Variants in ENAH observed in about 807,000 individuals in gnomAD.
ENAH encodes protein enabled homolog.
Under a neutral mutation model 78.7 loss-of-function variants are expected in ENAH, and 23 were observed. The ratio of observed to expected loss-of-function variants is 0.29; its 90% CI spans 0.21 to 0.41. ENAH has a LOEUF of 0.41. Among genes scored for constraint, ENAH ranks in the 10% least tolerant of loss-of-function variants. The pLI, the probability that ENAH is intolerant of heterozygous loss-of-function variation, is 1.00. For synonymous variants in ENAH, 226 were observed against 241.0 expected (o/e 0.94, Z 0.58); for missense variants, 544 against 691.0 (o/e 0.79, Z 2.39).
intron 3 of ENAH, among the ~76,000 whole-genome samples, chr1:225,552,514 T>C (rs17502068): frequency 0.045 from 6,789 of 152,280 alleles, 235 homozygotes; most frequent in South Asian, 0.11. Context: ...AGAAATAGTA[T>C]TTAACTACAG....
At chr1:225,536,679 C>T (rs926997093) in intron 3 of ENAH, among the ~76,000 whole-genome samples, 4 of 151,956 alleles carry the variant, frequency 2.6e-5, no homozygotes, top group African/African-American at 9.7e-5. Context: ...AATTAAATAA[C>T]ACACATCTAA....
intron 1 of ENAH, among the ~76,000 whole-genome samples, chr1:225,570,035 A>C (rs1024690626): frequency 2.0e-5 from 3 of 151,848 alleles, no homozygotes; most frequent in Non-Finnish European, 1.5e-5. Context: ...GGGAAACCCT[A>C]TCTCTACTAA....
At chr1:225,652,611 G>C in intron 1 of ENAH, 75 bp downstream of exon 1, 1 of 1,234,432 alleles carries the variant, frequency 8.1e-7, no homozygotes, top group Non-Finnish European at 1.0e-6. Flanking sequence ...AGGGAAGGCG[G>C]GGTCCGAGGA....
intron 10 of ENAH, chr1:225,508,572 AATTAATTCTTGGGCCTTAGCCGATT>A (rs2096352321): frequency 6.6e-6 from 1 of 152,280 alleles, no homozygotes; most frequent in Non-Finnish European, 1.5e-5. Flanking sequence ...ATTCTTAAAC[AATTAATTCTTGGGCCTTAGCCGATT>A]ATTCCAGTTA....
rs144689002 is a variant in ENAH, at chr1:225,639,932, C to T, written c.5+12754G>A. Among the ~76,000 whole-genome samples the T allele has an allele frequency of 2.0e-3, 299 of 152,248 alleles. 1 individual carries two copies. Among genetic ancestry groups the T allele is most frequent in the Admixed American group, 5.6e-3 (86 of 15,280 alleles). On this transcript the variant is annotated intron_variant, in intron 1 of 13. Transcript: ENST00000366843. ...TGGAGTCTACCTTACCTCTGGACCT[C>T]TAATTATATGGGATAAATTTTCTCA...
intron 6 of ENAH, among the ~76,000 whole-genome samples, chr1:225,515,924 G>T (rs564187794): frequency 6.6e-6 from 1 of 152,148 alleles, no homozygotes; most frequent in Non-Finnish European, 1.5e-5. Flanking sequence ...CAAACTGAAC[G>T]TCTTAGAATT....
At chr1:225,527,179 C>T (rs2096511850) in intron 4 of ENAH, among the ~76,000 whole-genome samples, 1 of 152,156 alleles carries the variant, frequency 6.6e-6, no homozygotes, top group African/African-American at 2.4e-5. Context: ...ATAATGCAAA[C>T]TGATAATGTT....
chr1:225,583,050 A>T (rs1216648238), intron 1 of ENAH, among the ~76,000 whole-genome samples: 8 of 152,202 alleles, frequency 5.3e-5, no homozygotes, highest in Non-Finnish European at 1.0e-4. Flanking sequence ...CAATAAAACA[A>T]CATCTTTAAA....
In ENAH at chr1:225,497,511, A is replaced by C. The variant is rs531002181; in HGVS notation, c.*264T>G. The stretch of plus-strand genomic sequence containing the variant: ...CCTGATGGGTTTTAGTATTTTCTGC[A>C]TAACTGTTACAGGAACTCTTAAATG... On this transcript the variant is annotated 3_prime_UTR_variant, in exon 14 of 14. Coordinates refer to ENST00000366843, the MANE Select transcript of ENAH (RefSeq NM_018212.6). 3.4e-6 allele frequency: 1 copy of C among 294,590 alleles called. No homozygotes were observed. The highest frequency in any genetic ancestry group is 6.3e-6 in the Non-Finnish European group (1 of 157,936). The allele number at this position is 294,590 out of a possible 1,614,324, so 18.2% of individuals were successfully genotyped here.
intron 1 of ENAH, among the ~76,000 whole-genome samples, chr1:225,598,475 C>T (rs2096913560): frequency 6.6e-6 from 1 of 151,788 alleles, no homozygotes. Context: ...GGGGAGACCT[C>T]ACCCAAGAAC....
chr1:225,513,385 G>T (rs1225081630), intron 7 of ENAH, among the ~76,000 whole-genome samples: 1 of 152,126 alleles, frequency 6.6e-6, no homozygotes, highest in African/African-American at 2.4e-5. Flanking sequence ...TTGTCCTACA[G>T]TCTTCAAAAA....
intron 1 of ENAH, among the ~76,000 whole-genome samples, chr1:225,583,155 G>A (rs1275524650): frequency 6.6e-6 from 1 of 152,140 alleles, no homozygotes; most frequent in Non-Finnish European, 1.5e-5. Flanking sequence ...AGAAAAAAGA[G>A]GCCAGGCGAG....
At chr1:225,565,733 C>G (rs74582528) in intron 2 of ENAH, among the ~76,000 whole-genome samples, 2,716 of 152,130 alleles carry the variant, frequency 0.018, 193 homozygotes, top group East Asian at 0.17. Context: ...AGACAGTGCT[C>G]CCCAGAACCT....
Position 225,626,990 on chromosome 1 carries a change from CAAAT to C in ENAH, c.5+25692_5+25695del, listed in dbSNP as rs1216869846. ...GTACATATCATATGAGAAAAACACA[CAAAT>C]AAAATCCTCTAGTGAGAATTTTTGT... On this transcript the variant is annotated intron_variant, in intron 1 of 13. Coordinates refer to ENST00000366843, the MANE Select transcript of ENAH (RefSeq NM_018212.6). Among the ~76,000 whole-genome samples, 7 of 152,232 alleles carry C rather than the reference CAAAT, an allele frequency of 4.6e-5. No homozygotes were observed. The South Asian group carries it at 8.3e-4, about 18-fold the overall frequency.
At position 225,652,554 on chromosome 1, in the gene ENAH, G is replaced by A. The variant is rs188000671; in HGVS notation, c.5+132C>T. ...AAATTGGAAGGGACAAAAGGCGGAG[G>A]GGGGAGGAACAGACCGGAGACCAGG... On this transcript the variant is annotated intron_variant, in intron 1 of 13. Transcript: ENST00000366843. The A allele has an allele frequency of 2.7e-5, 29 of 1,063,336 alleles. No individual in the cohort carries two copies. The East Asian group carries it at 4.5e-4, about 17-fold the overall frequency. The allele number at this position is 1,063,336 out of a possible 1,614,324, so 65.9% of individuals were successfully genotyped here.
At chr1:225,555,581 CAAAAA>C (rs146999797) in intron 2 of ENAH, among the ~76,000 whole-genome samples, 3 of 126,424 alleles carry the variant, frequency 2.4e-5, no homozygotes, top group African/African-American at 9.0e-5. Flanking sequence ...GACTCTGTCT[CAAAAA>C]AAAAAAAAGT....
rs556536962 is a variant in ENAH, at chr1:225,528,648, G to A, written c.434+1906C>T. On this transcript the variant is annotated intron_variant, in intron 4 of 13. Coordinates refer to ENST00000366843, the MANE Select transcript of ENAH (RefSeq NM_018212.6). ...CCCATGACCAAGTAGAAAACTGAAG[G>A]TGGTGGTCATTAGTAGGGCAAATTT... is the stretch of plus-strand genomic sequence containing the variant. Among the ~76,000 whole-genome samples the A allele has an allele frequency of 3.9e-5, 6 of 152,164 alleles. No individual in the cohort carries two copies. In the East Asian group the frequency reaches 1.2e-3, roughly 29 times the overall value.
intron 11 of ENAH, among the ~76,000 whole-genome samples, chr1:225,505,995 CT>C (rs5781409): frequency 0.043 from 6,535 of 152,028 alleles, 230 homozygotes; most frequent in South Asian, 0.11. Flanking sequence ...AAAAAAAAAT[CT>C]TTTTTTCCCT....
At chr1:225,528,562 G>GTA (rs1369257014) in intron 4 of ENAH, among the ~76,000 whole-genome samples, 1 of 152,110 alleles carries the variant, frequency 6.6e-6, no homozygotes, top group Non-Finnish European at 1.5e-5. Flanking sequence ...GAGGAGTCCT[G>GTA]TAATCTTCCC....
Sources: gnomAD v4.1 joint callset for allele counts (sites outside exome capture counted in the v4.1 genomes callset) on GRCh38, gnomAD v4.1.1 for gene constraint, MANE v1.5 for transcripts, NCBI Gene and HGNC (gene_info 2026-07-23, HGNC 2026-07-21) for gene names.